SCHIP1: variants seen among roughly 807,000 people sequenced by gnomAD.
The protein encoded by SCHIP1 is schwannomin-interacting protein 1.
A neutral mutation model predicts 29.7 loss-of-function variants in SCHIP1; 8 were observed. That is an observed-to-expected ratio of 0.27 (90% CI 0.16 to 0.49). The LOEUF is 0.49. Ranked by LOEUF, SCHIP1 falls within the 20% of genes least tolerant of loss-of-function variation. The pLI is 0.99. For synonymous variants in SCHIP1, 76 were observed against 94.9 expected, an observed-to-expected ratio of 0.80 and a Z score of 1.16; for missense variants, 193 against 294.6, an observed-to-expected ratio of 0.66 and a Z score of 2.52.
chr3:159,461,746 G>A, the SCHIP1 span, among the ~76,000 whole-genome samples: 8 of 151,706 alleles, frequency 5.3e-5, no homozygotes, highest in African/African-American at 1.5e-4. Context: ...CGGAAGGGGG[G>A]TCCTTTTACT....
At chr3:159,683,271 C>T in the SCHIP1 span, among the ~76,000 whole-genome samples, 4 of 151,924 alleles carry the variant, frequency 2.6e-5, no homozygotes, top group East Asian at 1.9e-4. Flanking sequence ...AGGCTAGCCT[C>T]GAACTCCTGA....
the SCHIP1 span, among the ~76,000 whole-genome samples, chr3:159,789,033 C>A: frequency 6.6e-6 from 1 of 152,086 alleles, no homozygotes; most frequent in South Asian, 2.1e-4. Context: ...CCAACAAAAT[C>A]CAACATTTGA....
chr3:159,684,182 C>T, the SCHIP1 span, among the ~76,000 whole-genome samples: 4 of 152,170 alleles, frequency 2.6e-5, no homozygotes, highest in African/African-American at 9.7e-5. Flanking sequence ...TAAAGCAGCC[C>T]AGCAGCCAGG....
At chr3:159,624,785 A>C in the SCHIP1 span, among the ~76,000 whole-genome samples, 7 of 152,186 alleles carry the variant, frequency 4.6e-5, no homozygotes, top group African/African-American at 1.4e-4. Context: ...AGGAAGAACT[A>C]GAAGAGCCTT....
the SCHIP1 span, among the ~76,000 whole-genome samples, chr3:159,687,507 G>T: frequency 1.3e-5 from 2 of 152,020 alleles, no homozygotes; most frequent in Admixed American, 6.5e-5. Flanking sequence ...AACAAACAAA[G>T]AAATAATAAC....
chr3:159,812,592 AAAC>A, the SCHIP1 span, among the ~76,000 whole-genome samples: 2 of 152,230 alleles, frequency 1.3e-5, no homozygotes, highest in African/African-American at 2.4e-5. Flanking sequence ...TAAGCCAATA[AAAC>A]AACGTCACAT....
chr3:159,293,363 A>G, the SCHIP1 span, among the ~76,000 whole-genome samples: 1 of 152,216 alleles, frequency 6.6e-6, no homozygotes, highest in Non-Finnish European at 1.5e-5. Context: ...TGGTCAGCGC[A>G]AGGAAAAGTG....
At chr3:159,582,098 CA>C in the SCHIP1 span, among the ~76,000 whole-genome samples, 2 of 151,944 alleles carry the variant, frequency 1.3e-5, no homozygotes, top group African/African-American at 4.8e-5. Flanking sequence ...GATACAAAGC[CA>C]AAATTCAGTC....
intron 1 of SCHIP1, chr3:159,845,299 A>G (rs140143803): frequency 7.4e-4 from 112 of 151,866 alleles, no homozygotes; most frequent in African/African-American, 2.7e-3. Context: ...CCTTCTCAGT[A>G]CATTTTGTTT....
the SCHIP1 span, among the ~76,000 whole-genome samples, chr3:159,490,177 A>G: frequency 2.2e-4 from 33 of 152,320 alleles, 1 homozygote; most frequent in African/African-American, 7.7e-4. Flanking sequence ...TGAAATGATC[A>G]AGTCAGTGTA....
chr3:159,334,274 C>T, the SCHIP1 span, among the ~76,000 whole-genome samples: 1 of 152,116 alleles, frequency 6.6e-6, no homozygotes, highest in African/African-American at 2.4e-5. Context: ...CATGTCAACT[C>T]ATGACACAAG....
At chr3:159,517,772 C>A in the SCHIP1 span, among the ~76,000 whole-genome samples, 1 of 151,744 alleles carries the variant, frequency 6.6e-6, no homozygotes, top group South Asian at 2.1e-4. Context: ...TTTCCAAAAC[C>A]AACTGATTAA....
At chr3:159,888,767 A>G in intron 4 of SCHIP1, 53 bp from the exon 6 acceptor site, 1 of 1,596,278 alleles carries the variant, frequency 6.3e-7, no homozygotes, top group Non-Finnish European at 8.5e-7. Context: ...CTTAACGTTC[A>G]GTGTGTTTGT....
chr3:159,370,683 G>A, the SCHIP1 span, among the ~76,000 whole-genome samples: 1 of 152,310 alleles, frequency 6.6e-6, no homozygotes, highest in East Asian at 1.9e-4. Context: ...GAACAAAAAA[G>A]TGGAGAAATG....
chr3:159,656,445 C>A, the SCHIP1 span, among the ~76,000 whole-genome samples: 1 of 152,124 alleles, frequency 6.6e-6, no homozygotes, highest in Non-Finnish European at 1.5e-5. Flanking sequence ...CGAAGAAAGG[C>A]GAGCCCACTT....
chr3:159,408,061 A>G, the SCHIP1 span, among the ~76,000 whole-genome samples: 123,883 of 152,016 alleles, frequency 0.81, 50,751 homozygotes, highest in African/African-American at 0.86. Context: ...CACTTTGGGA[A>G]GCCGAGGCAG....
the SCHIP1 span, among the ~76,000 whole-genome samples, chr3:159,376,055 G>T: frequency 2.6e-5 from 4 of 152,092 alleles, no homozygotes; most frequent in Non-Finnish European, 5.9e-5. Context: ...TCAAACAGAG[G>T]AGGAGTGCCC....
chr3:159,734,719 A>C, the SCHIP1 span, among the ~76,000 whole-genome samples: 5 of 151,414 alleles, frequency 3.3e-5, no homozygotes, highest in Non-Finnish European at 1.5e-5. Flanking sequence ...ATGAATGTTA[A>C]TTAGGATCAG....
the SCHIP1 span, among the ~76,000 whole-genome samples, chr3:159,701,737 G>T: frequency 2.0e-5 from 3 of 152,000 alleles, no homozygotes; most frequent in African/African-American, 7.2e-5. Context: ...CTATGTAGTG[G>T]CCTTCTTAAT....
Sources: gnomAD v4.1 joint callset for allele counts (sites outside exome capture counted in the v4.1 genomes callset) on GRCh38, gnomAD v4.1.1 for gene constraint, MANE v1.5 for transcripts, NCBI Gene and HGNC (gene_info 2026-07-23, HGNC 2026-07-21) for gene names.